The following FRS2 variants were observed in gnomAD, a reference collection of about 807,000 sequenced individuals.
FRS2 encodes the protein FGFR signalling adaptor.
In FRS2, 8 loss-of-function variants were observed where a neutral mutation model predicts 43.9. The observed-to-expected ratio is 0.18, with a 90% CI of 0.11 to 0.33. The LOEUF (loss-of-function observed/expected upper bound fraction) is 0.33. Among genes scored for constraint, FRS2 ranks in the 10% least tolerant of loss-of-function variants. FRS2 has a pLI of 1.00. For synonymous variants in FRS2, 219 were observed against 220.3 expected (o/e 0.99, Z 0.05); for missense variants, 534 against 627.6 (o/e 0.85, Z 1.59).
intron 6 of FRS2, 75 bp from the exon 7 acceptor site, chr12:69,571,201 G>A: frequency 1.1e-6 from 1 of 880,816 alleles, no homozygotes; most frequent in Non-Finnish European, 1.8e-6. Flanking sequence ...TTACAATTCT[G>A]CTGTTTGTCA....
At chr12:69,492,491 G>C (rs1872565891) in intron 1 of FRS2, among the ~76,000 whole-genome samples, 1 of 152,134 alleles carries the variant, frequency 6.6e-6, no homozygotes, top group African/African-American at 2.4e-5. Context: ...CTGAGAAAAA[G>C]GAAATGGAAT....
rs1416027487 is a variant in FRS2, at chr12:69,579,686, T to G, written c.*4731T>G. 1 of 152,218 alleles carries G rather than the reference T, an allele frequency of 6.6e-6. No individual in the cohort carries two copies. The highest frequency in any genetic ancestry group is 1.5e-5 in the Non-Finnish European group (1 of 68,036). 9.4% of individuals were successfully genotyped at this position (152,218 alleles called of 1,614,324 possible). A position where few individuals can be genotyped will look rare whatever the true frequency, so the allele number is the denominator to read the frequency against. On this transcript the variant is annotated 3_prime_UTR_variant, in exon 9 of 9. Transcript: ENST00000549921. Reference sequence around the variant, plus strand: ...GAAGCATTCATGAAAAGCTGCTTTATTGAATAAAGTCTGATTGGAGTTCTT... The same window carrying G: ...GAAGCATTCATGAAAAGCTGCTTTAGTGAATAAAGTCTGATTGGAGTTCTT...
At chr12:69,507,161 A>G (rs1395623826) in intron 1 of FRS2, among the ~76,000 whole-genome samples, 1 of 152,196 alleles carries the variant, frequency 6.6e-6, no homozygotes, top group East Asian at 1.9e-4. Flanking sequence ...AAGCAACAAA[A>G]AACACACTAA....
In FRS2 at chr12:69,527,205, A is replaced by G. The variant is rs572604566; in HGVS notation, c.-260-3660A>G. On this transcript the variant is annotated intron_variant, in intron 1 of 8. Coordinates refer to ENST00000549921, the MANE Select transcript of FRS2 (RefSeq NM_001278356.2). ...ATTCTTTTAGACCTAAGCATGGCAC[A>G]TTCTTTGGATTCACCCCTTAATGCC... 2.3e-4 allele frequency among the ~76,000 whole-genome samples: 35 copies of G among 152,204 alleles called. No homozygotes were observed. The East Asian group carries it at 6.2e-3, about 27-fold the overall frequency.
At chr12:69,490,547 A>G (rs1265783232) in intron 1 of FRS2, among the ~76,000 whole-genome samples, 4 of 152,124 alleles carry the variant, frequency 2.6e-5, no homozygotes, top group African/African-American at 9.6e-5. Flanking sequence ...GGTTCTTTAC[A>G]AAATATTTCT....
chr12:69,573,108 C>T (rs1218459657), intron 8 of FRS2, among the ~76,000 whole-genome samples: 2 of 152,166 alleles, frequency 1.3e-5, no homozygotes, highest in Non-Finnish European at 2.9e-5. Flanking sequence ...GTTGGGATTA[C>T]AGGCGTGAGC....
chr12:69,545,332 C>A (rs1347454767), intron 3 of FRS2, among the ~76,000 whole-genome samples: 2 of 152,116 alleles, frequency 1.3e-5, no homozygotes, highest in Non-Finnish European at 2.9e-5. Context: ...CTAAAACAAT[C>A]TTGAAAAAGA....
At chr12:69,484,124 G>A (rs950374430) in intron 1 of FRS2, among the ~76,000 whole-genome samples, 7 of 145,682 alleles carry the variant, frequency 4.8e-5, no homozygotes, top group East Asian at 1.9e-4. Flanking sequence ...TCGCTCTGTC[G>A]CCCAGGCTAG....
At chr12:69,513,775 T>C (rs1174343386) in intron 1 of FRS2, among the ~76,000 whole-genome samples, 1 of 152,104 alleles carries the variant, frequency 6.6e-6, no homozygotes, top group African/African-American at 2.4e-5. Context: ...GGAAGAAAAT[T>C]GTTGGGAATA....
At chr12:69,537,128 G>A (rs1178120982) in intron 3 of FRS2, among the ~76,000 whole-genome samples, 1 of 152,096 alleles carries the variant, frequency 6.6e-6, no homozygotes, top group Non-Finnish European at 1.5e-5. Context: ...GAATAATGTA[G>A]TAACTTAGCA....
intron 3 of FRS2, among the ~76,000 whole-genome samples, chr12:69,536,815 T>C (rs781101831): frequency 3.3e-5 from 5 of 151,756 alleles, no homozygotes; most frequent in Non-Finnish European, 7.4e-5. Flanking sequence ...GTGTTCCTAC[T>C]GCCTCAGCCT....
intron 3 of FRS2, among the ~76,000 whole-genome samples, chr12:69,554,500 A>G (rs1342034477): frequency 6.6e-6 from 1 of 152,218 alleles, no homozygotes; most frequent in Non-Finnish European, 1.5e-5. Context: ...TTAAGTTGCA[A>G]AGATAGTACA....
At chr12:69,552,713 G>A (rs1158545093) in intron 3 of FRS2, among the ~76,000 whole-genome samples, 4 of 152,212 alleles carry the variant, frequency 2.6e-5, no homozygotes, top group African/African-American at 9.6e-5. Context: ...ACAACATAGT[G>A]CAACCCTGTC....
At chr12:69,497,315 A>G (rs1043587589) in intron 1 of FRS2, among the ~76,000 whole-genome samples, 2 of 152,194 alleles carry the variant, frequency 1.3e-5, no homozygotes, top group African/African-American at 4.8e-5. Context: ...ATAACAAAAT[A>G]CCTTAGACTG....
Position 69,572,049 on chromosome 12 carries a change from C to A in FRS2, c.413-69C>A, listed in dbSNP as rs79773230. The A allele has an allele frequency of 1.9e-5, 23 of 1,203,940 alleles. 1 individual carries two copies. The South Asian group carries it at 2.2e-4, about 12-fold the overall frequency. 74.6% of individuals were successfully genotyped at this position (1,203,940 alleles called of 1,614,324 possible). On this transcript the variant is annotated intron_variant, in intron 7 of 8. Coordinates refer to ENST00000549921, the MANE Select transcript of FRS2 (RefSeq NM_001278356.2). ...CCTCCTATAATCCTCAGTACAGATT[C>A]GATTCTTACTCATTTTTATTCTCTC...
chr12:69,574,142 G>C lies in FRS2; in HGVS notation c.714G>C (p.Arg238Ser). Residue 238 changes from arginine (R) to serine (S), a missense_variant, in exon 9 of 9, where the codon AGG becomes AGC. This residue lies in a region of FRS2 where 446 missense variants were observed against 494.2 expected (regional missense o/e 0.90). Coordinates refer to ENST00000549921, the MANE Select transcript of FRS2 (RefSeq NM_001278356.2). The stretch of plus-strand genomic sequence containing the variant: ...AAGAACCAAGTAGTATTGAGGACAG[G>C]GATCCTCAGATTCTTCTTGAACCTG... Reference protein sequence around the residue: ...PKEEPSSIEDRDPQILLEPEG... With the variant: ...PKEEPSSIEDSDPQILLEPEG... 6 of 1,613,472 alleles carry C rather than the reference G, an allele frequency of 3.7e-6. No homozygotes were observed. Among genetic ancestry groups the C allele is most frequent in the Non-Finnish European group, 5.1e-6 (6 of 1,179,384 alleles).
At position 69,578,825 on chromosome 12, in the gene FRS2, T is replaced by TA. The variant is rs1442914941; in HGVS notation, c.*3876dup. The TA allele has an allele frequency of 1.3e-5, 2 of 152,612 alleles. No individual in the cohort carries two copies. The highest frequency in any genetic ancestry group is 2.1e-4 in the South Asian group (1 of 4,834). The allele number at this position is 152,612 out of a possible 1,614,324, so 9.5% of individuals were successfully genotyped here. On this transcript the variant is annotated 3_prime_UTR_variant, in exon 9 of 9. Coordinates refer to ENST00000549921, the MANE Select transcript of FRS2 (RefSeq NM_001278356.2). ...ATTAGATTTTTAATTTTTTCTTTTA[T>TA]AAAAAATTGTCCAACAGTGGGACTA...
rs73323709 is a variant in FRS2, at chr12:69,551,583, C to T, written c.-121-10597C>T. On this transcript the variant is annotated intron_variant, in intron 3 of 8. Transcript: ENST00000549921. ...TTTGTTAATGTGGTAGAGAGGAAAA[C>T]TGAACATTCTAAATTTGGCTTCTAG... Among the ~76,000 whole-genome samples, 1,031 of 152,260 alleles carry T rather than the reference C, an allele frequency of 6.8e-3. 8 individuals are homozygous for T. Among genetic ancestry groups the T allele is most frequent in the African/African-American group, 0.024 (991 of 41,538 alleles).
intron 1 of FRS2, among the ~76,000 whole-genome samples, chr12:69,482,163 C>T (rs1448071252): frequency 6.6e-6 from 1 of 151,968 alleles, no homozygotes; most frequent in South Asian, 2.1e-4. Context: ...CTTTGCATAA[C>T]TCTAGCTAAG....
Sources: gnomAD v4.1 joint callset for allele counts (sites outside exome capture counted in the v4.1 genomes callset) on GRCh38, gnomAD v4.1.1 for gene constraint, gnomAD v4.1.1 regional missense constraint, MANE v1.5 for transcripts, NCBI Gene and HGNC (gene_info 2026-07-23, HGNC 2026-07-21) for gene names.